The following NUBPL variants were observed in gnomAD, a reference collection of about 807,000 sequenced individuals.
NUBPL encodes the protein NUBP iron-sulfur cluster assembly factor, mitochondrial.
Under a neutral mutation model 45.7 loss-of-function variants are expected in NUBPL, and 31 were observed. That is an observed-to-expected ratio of 0.68 (90% CI 0.51 to 0.92). The LOEUF is 0.92. Ranked by LOEUF, NUBPL falls within the 40% of genes least tolerant of loss-of-function variation. The pLI, the probability that NUBPL is intolerant of heterozygous loss-of-function variation, is 0.00. For synonymous variants in NUBPL, 144 were observed against 140.9 expected (o/e 1.02, Z -0.15); for missense variants, 401 against 398.7 (o/e 1.01, Z -0.05).
At chr14:31,662,587 C>T (rs2036299918) in intron 4 of NUBPL, among the ~76,000 whole-genome samples, 1 of 151,996 alleles carries the variant, frequency 6.6e-6, no homozygotes, top group South Asian at 2.1e-4. Context: ...GTTTTTGTTC[C>T]TGTGTTAGTT....
intron 6 of NUBPL, among the ~76,000 whole-genome samples, chr14:31,730,206 C>G (rs2038019380): frequency 6.6e-6 from 1 of 152,154 alleles, no homozygotes; most frequent in Admixed American, 6.5e-5. Context: ...AGCATATTCT[C>G]TCAAAATCAC....
At chr14:31,561,954 G>A (rs527421023) in intron 1 of NUBPL, 114 bp from the exon 2 acceptor site, 23 of 1,001,308 alleles carry the variant, frequency 2.3e-5, no homozygotes, top group Middle Eastern at 6.0e-4. Flanking sequence ...AAGATGAGCA[G>A]AATTAGAAAA....
chr14:31,645,785 C>CCT (rs397853332), intron 4 of NUBPL, among the ~76,000 whole-genome samples: 3 of 134,788 alleles, frequency 2.2e-5, no homozygotes, highest in Non-Finnish European at 3.2e-5. Context: ...CCCCCCCCCC[C>CCT]ACATTTTGAC....
intron 9 of NUBPL, among the ~76,000 whole-genome samples, chr14:31,848,648 C>G (rs1328757223): frequency 6.6e-6 from 1 of 152,194 alleles, no homozygotes; most frequent in Non-Finnish European, 1.5e-5. Flanking sequence ...CTGCTCCTCA[C>G]TCACTTTTAC....
At chr14:31,608,104 A>C (rs1190740306) in intron 4 of NUBPL, among the ~76,000 whole-genome samples, 2 of 152,212 alleles carry the variant, frequency 1.3e-5, no homozygotes. Context: ...TAAAATGCTG[A>C]GGGAAAACAC....
chr14:31,839,933 C>A (rs1015694287), intron 8 of NUBPL, among the ~76,000 whole-genome samples: 6 of 151,978 alleles, frequency 3.9e-5, no homozygotes, highest in African/African-American at 1.2e-4. Flanking sequence ...TCCCCTCATA[C>A]CTGTTAGAAT....
At chr14:31,730,435 TTCA>T (rs1389164624) in intron 6 of NUBPL, among the ~76,000 whole-genome samples, 2 of 152,036 alleles carry the variant, frequency 1.3e-5, no homozygotes, top group African/African-American at 4.8e-5. Context: ...CAAGACAACT[TTCA>T]TCATCATCTG....
At chr14:31,699,911 G>T (rs2139888978) in intron 6 of NUBPL, among the ~76,000 whole-genome samples, 1 of 152,256 alleles carries the variant, frequency 6.6e-6, no homozygotes, top group African/African-American at 2.4e-5. Context: ...AGTAACTGTA[G>T]GATTAGATTT....
chr14:31,592,814 G>A (rs1390804026), intron 3 of NUBPL, among the ~76,000 whole-genome samples: 1 of 152,036 alleles, frequency 6.6e-6, no homozygotes, highest in Non-Finnish European at 1.5e-5. Context: ...ATGGCAGCCC[G>A]GACCGAATGA....
At chr14:31,750,744 T>G (rs77763274) in intron 6 of NUBPL, among the ~76,000 whole-genome samples, 2,482 of 151,676 alleles carry the variant, frequency 0.016, 79 homozygotes, top group African/African-American at 0.055. Flanking sequence ...GTAGGGTAAT[T>G]TAGCTTTAGT....
At chr14:31,857,306 GA>G (rs1394663150) in intron 10 of NUBPL, among the ~76,000 whole-genome samples, 2 of 152,156 alleles carry the variant, frequency 1.3e-5, no homozygotes, top group African/African-American at 4.8e-5. Flanking sequence ...ACAACACGGG[GA>G]CTCTGGGCCC....
chr14:31,633,478 C>G (rs1319765452), intron 4 of NUBPL, among the ~76,000 whole-genome samples: 1 of 152,136 alleles, frequency 6.6e-6, no homozygotes, highest in African/African-American at 2.4e-5. Context: ...TAGATACAGT[C>G]ACATAGCTTA....
chr14:31,831,362 G>A (rs1228671307), intron 8 of NUBPL, among the ~76,000 whole-genome samples: 4 of 151,750 alleles, frequency 2.6e-5, no homozygotes, highest in African/African-American at 4.8e-5. Context: ...CCTTTTATGA[G>A]CTTTTTTAAT....
intron 6 of NUBPL, among the ~76,000 whole-genome samples, chr14:31,764,714 G>A (rs959944767): frequency 2.0e-5 from 3 of 152,102 alleles, no homozygotes; most frequent in African/African-American, 7.2e-5. Flanking sequence ...TCACTTAATG[G>A]TCTTTTAATG....
At chr14:31,723,080 T>G (rs980255897) in intron 6 of NUBPL, among the ~76,000 whole-genome samples, 1 of 152,188 alleles carries the variant, frequency 6.6e-6, no homozygotes, top group Non-Finnish European at 1.5e-5. Flanking sequence ...CTTTTGATAT[T>G]GCATTTAATT....
At chr14:31,610,607 T>G (rs1362724378) in intron 4 of NUBPL, among the ~76,000 whole-genome samples, 8 of 6,512 alleles carry the variant, frequency 1.2e-3, no homozygotes, top group African/African-American at 2.5e-3. Flanking sequence ...GAAAGATACA[T>G]CAAAAAAAAA....
intron 8 of NUBPL, among the ~76,000 whole-genome samples, chr14:31,834,442 G>A (rs796631053): frequency 1.2e-4 from 19 of 152,234 alleles, no homozygotes; most frequent in African/African-American, 4.3e-4. Flanking sequence ...GCCTCCCAAA[G>A]TGCTGGGATT....
intron 6 of NUBPL, among the ~76,000 whole-genome samples, chr14:31,677,868 G>C (rs1201128277): frequency 1.3e-5 from 2 of 152,208 alleles, no homozygotes; most frequent in South Asian, 2.1e-4. Flanking sequence ...AGCGAGACAG[G>C]CTTGTGTCCT....
intron 6 of NUBPL, among the ~76,000 whole-genome samples, chr14:31,716,049 C>A (rs796982877): frequency 3.9e-5 from 6 of 151,906 alleles, no homozygotes; most frequent in African/African-American, 1.4e-4. Flanking sequence ...TAGACACAGA[C>A]ACTCATATTA....
Sources: allele counts gnomAD v4.1 joint callset (sites outside exome capture counted in the v4.1 genomes callset), GRCh38; gene constraint gnomAD v4.1.1; transcripts MANE v1.5; gene names NCBI Gene and HGNC (gene_info 2026-07-23, HGNC 2026-07-21).